TLL1: variants seen among roughly 807,000 people sequenced by gnomAD.
TLL1 encodes tolloid like 1.
Under a neutral mutation model 128.2 loss-of-function variants are expected in TLL1, and 49 were observed. The ratio of observed to expected loss-of-function variants is 0.38; its 90% CI spans 0.30 to 0.48. The LOEUF is 0.48. Among genes scored for constraint, TLL1 ranks in the 20% least tolerant of loss-of-function variants. TLL1 has a pLI of 0.96. For synonymous variants in TLL1, 454 were observed against 418.8 expected (o/e 1.08, Z -1.03); for missense variants, 1,123 against 1,242.0 (o/e 0.90, Z 1.44).
intron 7 of TLL1, 39 bp from the exon 8 acceptor site, chr4:166,014,397 T>C: frequency 6.2e-7 from 1 of 1,610,800 alleles, no homozygotes; most frequent in African/African-American, 1.3e-5. Flanking sequence ...GAGTTTTCAT[T>C]TGGTGACTTA....
At chr4:165,882,278 T>C (rs962831779) in intron 1 of TLL1, among the ~76,000 whole-genome samples, 1 of 152,216 alleles carries the variant, frequency 6.6e-6, no homozygotes, top group Admixed American at 6.5e-5. Flanking sequence ...ACGGGTATTA[T>C]AATTTTTTTG....
rs552816680 is a variant in TLL1 at position 165,899,721 on chromosome 4, G to A, written c.169+25648G>A. 4.6e-5 allele frequency among the ~76,000 whole-genome samples: 7 copies of A among 152,278 alleles called. No individual in the cohort carries two copies. In the East Asian group the frequency reaches 1.2e-3, roughly 25 times the overall value. The stretch of plus-strand genomic sequence containing the variant: ...CTGTTGATCTGGGGTGGAGAGTTCT[G>A]TAGATGTCTATCAGGTCCACTTGGT... On this transcript the variant is annotated intron_variant, in intron 1 of 20. Coordinates refer to ENST00000061240, the MANE Select transcript of TLL1 (RefSeq NM_012464.5).
At chr4:165,976,880 G>A (rs1034090191) in intron 1 of TLL1, among the ~76,000 whole-genome samples, 3 of 152,194 alleles carry the variant, frequency 2.0e-5, no homozygotes, top group Non-Finnish European at 4.4e-5. Context: ...ACACAAAATC[G>A]TATACTTTTT....
intron 12 of TLL1, chr4:166,044,380 A>T: frequency 1.3e-6 from 2 of 1,535,504 alleles, no homozygotes; most frequent in South Asian, 1.2e-5. Context: ...GCACCAGGAG[A>T]ATCCAGGGAT....
intron 8 of TLL1, among the ~76,000 whole-genome samples, chr4:166,021,294 A>G (rs577879032): frequency 1.3e-5 from 2 of 151,708 alleles, no homozygotes; most frequent in Admixed American, 6.6e-5. Flanking sequence ...CCCAGCAGAT[A>G]TTCCCTCATT....
intron 1 of TLL1, among the ~76,000 whole-genome samples, chr4:165,925,404 G>T (rs1226615784): frequency 6.6e-6 from 1 of 152,164 alleles, no homozygotes; most frequent in Admixed American, 6.5e-5. Context: ...TTTTAGTGGA[G>T]GAAGTAATTG....
intron 1 of TLL1, among the ~76,000 whole-genome samples, chr4:165,927,639 T>A (rs552197041): frequency 2.0e-5 from 3 of 152,274 alleles, no homozygotes; most frequent in Non-Finnish European, 2.9e-5. Flanking sequence ...AGATTGTTCA[T>A]CTAGGGCGGT....
intron 7 of TLL1, 88 bp from the exon 8 acceptor site, chr4:166,014,348 G>T: frequency 6.3e-7 from 1 of 1,591,672 alleles, no homozygotes; most frequent in Non-Finnish European, 8.6e-7. Context: ...TGATTGACTT[G>T]AGTTTGAAAT....
chr4:165,950,963 A>C (rs1043780420), intron 1 of TLL1, among the ~76,000 whole-genome samples: 1 of 152,120 alleles, frequency 6.6e-6, no homozygotes, highest in Non-Finnish European at 1.5e-5. Flanking sequence ...CAATGAAACC[A>C]AAAGCTGATT....
chr4:165,918,769 C>T (rs1056892864), intron 1 of TLL1, among the ~76,000 whole-genome samples: 25 of 152,054 alleles, frequency 1.6e-4, no homozygotes, highest in Admixed American at 6.5e-5. Context: ...TCCCCAAAAC[C>T]ACTGGGGTAG....
At chr4:166,092,557 C>G (rs1382927274) in intron 19 of TLL1, among the ~76,000 whole-genome samples, 1 of 151,938 alleles carries the variant, frequency 6.6e-6, no homozygotes, top group Non-Finnish European at 1.5e-5. Flanking sequence ...AACTTGTCAC[C>G]TAATGAAGGG....
chr4:166,052,965 G>GTGTATATATATATATATATATATATATA, intron 12 of TLL1, among the ~76,000 whole-genome samples: 3,731 of 99,112 alleles, frequency 0.038, 532 homozygotes, highest in South Asian at 0.047. Context: ...GAGGTTATGT[G>GTGTATATATATATATATATATATATATA]TATATATATA....
intron 19 of TLL1, among the ~76,000 whole-genome samples, chr4:166,096,210 G>GGGGTGT (rs767016227): frequency 6.9e-6 from 1 of 145,480 alleles, no homozygotes; most frequent in African/African-American, 2.5e-5. Flanking sequence ...TTCTGTCATG[G>GGGGTGT]GTGTGTGTGT....
intron 19 of TLL1, among the ~76,000 whole-genome samples, chr4:166,095,544 C>T (rs1741979717): frequency 6.6e-6 from 1 of 151,970 alleles, no homozygotes; most frequent in Non-Finnish European, 1.5e-5. Flanking sequence ...TAACATAAAA[C>T]ATCATGCTCT....
chr4:166,007,418 G>A (rs1190963327), intron 6 of TLL1, among the ~76,000 whole-genome samples: 1 of 151,658 alleles, frequency 6.6e-6, no homozygotes, highest in Non-Finnish European at 1.5e-5. Context: ...AGAATTTGCT[G>A]TTACTGTTTG....
chr4:166,031,160 T>A (rs866087548), intron 9 of TLL1, among the ~76,000 whole-genome samples: 1 of 152,106 alleles, frequency 6.6e-6, no homozygotes, highest in South Asian at 2.1e-4. Flanking sequence ...ACAAAATGTA[T>A]CTTAAACGTA....
chr4:165,874,213 T>G, intron 1 of TLL1, 140 bp downstream of exon 1: 1 of 1,033,526 alleles, frequency 9.7e-7, no homozygotes, highest in Non-Finnish European at 1.5e-6. Flanking sequence ...CCCCCTCCTT[T>G]TCCTTCCCTT....
chr4:165,944,776 T>G (rs1638395705), intron 1 of TLL1, among the ~76,000 whole-genome samples: 1 of 152,118 alleles, frequency 6.6e-6, no homozygotes, highest in South Asian at 2.1e-4. Flanking sequence ...AGATAAAATC[T>G]GTGAGATTTC....
At chr4:165,996,611 TAAACAAAC>T (rs10615717) in intron 5 of TLL1, among the ~76,000 whole-genome samples, 38 of 90,592 alleles carry the variant, frequency 4.2e-4, no homozygotes, top group African/African-American at 1.0e-3. Context: ...AATAAATAAA[TAAACAAAC>T]AAACAAACAA....
Sources: gnomAD v4.1 joint callset for allele counts (sites outside exome capture counted in the v4.1 genomes callset) on GRCh38, gnomAD v4.1.1 for gene constraint, MANE v1.5 for transcripts, NCBI Gene and HGNC (gene_info 2026-07-23, HGNC 2026-07-21) for gene names.